The following FRMD6 variants were observed in gnomAD, a reference collection of about 807,000 sequenced individuals.
FRMD6 encodes the protein FERM domain containing 6.
In FRMD6, 37 loss-of-function variants were observed where a neutral mutation model predicts 73.2. The observed-to-expected ratio is 0.51, with a 90% CI of 0.39 to 0.66. The LOEUF (loss-of-function observed/expected upper bound fraction) is 0.66. FRMD6 is among the 30% of genes least tolerant of loss of function. The pLI, the probability that FRMD6 is intolerant of heterozygous loss-of-function variation, is 0.00. For missense variants in FRMD6, 714 were observed against 780.5 expected, an observed-to-expected ratio of 0.91 and a Z score of 1.02; for synonymous variants, 273 against 282.2, an observed-to-expected ratio of 0.97 and a Z score of 0.33.
the FRMD6 span, among the ~76,000 whole-genome samples, chr14:51,458,055 A>T: frequency 2.0e-5 from 3 of 152,220 alleles, no homozygotes; most frequent in African/African-American, 7.2e-5. Flanking sequence ...GGCCAGATAA[A>T]GGAGGTAAAA....
At chr14:51,525,140 GTGGATGGATGGATGGATGGA>G (rs71121650) in intron 1 of FRMD6, among the ~76,000 whole-genome samples, 23 of 148,638 alleles carry the variant, frequency 1.5e-4, no homozygotes, top group East Asian at 1.0e-3. Context: ...TGATAGGTGG[GTGGATGGATGGATGGATGGA>G]TGGATGGATG....
intron 9 of FRMD6, chr14:51,713,612 A>G (rs1897075465): frequency 6.6e-6 from 1 of 152,198 alleles, no homozygotes; most frequent in Non-Finnish European, 1.5e-5. Flanking sequence ...CTGCTGGGAT[A>G]TATAGCTCCA....
chr14:51,503,937 A>G (rs989043187), intron 1 of FRMD6, among the ~76,000 whole-genome samples: 5 of 151,850 alleles, frequency 3.3e-5, no homozygotes, highest in Non-Finnish European at 4.4e-5. Context: ...CAGGGATTCA[A>G]TTTCTTCCTG....
chr14:51,713,147 A>T (rs1298966583), intron 9 of FRMD6, among the ~76,000 whole-genome samples: 1 of 152,138 alleles, frequency 6.6e-6, no homozygotes, highest in Non-Finnish European at 1.5e-5. Context: ...AATAATGTGT[A>T]CATTTGGTCA....
intron 2 of FRMD6, among the ~76,000 whole-genome samples, chr14:51,691,836 C>G (rs1895604370): frequency 6.6e-6 from 1 of 151,912 alleles, no homozygotes; most frequent in Non-Finnish European, 1.5e-5. Context: ...CTCACGTGAT[C>G]TGTCTGCCTC....
At chr14:51,505,773 C>A (rs998358768) in intron 1 of FRMD6, among the ~76,000 whole-genome samples, 5 of 152,200 alleles carry the variant, frequency 3.3e-5, no homozygotes, top group Non-Finnish European at 5.9e-5. Context: ...CCCCCCTCGA[C>A]TCGATCACCC....
intron 2 of FRMD6, among the ~76,000 whole-genome samples, chr14:51,610,678 G>A (rs1182962484): frequency 6.6e-6 from 1 of 152,154 alleles, no homozygotes; most frequent in African/African-American, 2.4e-5. Context: ...AATATTCAGA[G>A]TATGTGGTAT....
At chr14:51,476,015 A>G in the FRMD6 span, among the ~76,000 whole-genome samples, 1 of 152,188 alleles carries the variant, frequency 6.6e-6, no homozygotes, top group African/African-American at 2.4e-5. Context: ...CGGCTATTTT[A>G]GGACCCTGGG....
In FRMD6 at chr14:51,689,845, A is replaced by G. The variant is rs768544582; in HGVS notation, c.9A>G (p.Lys3=). Residue 3 remains lysine, a synonymous_variant, in exon 2 of 14, where the codon AAA becomes AAG. Transcript: ENST00000344768. ...AGAGTGCCCAAAACACAATGAACAA[A>G]TTGAATTTTCATAACAACAGAGTCA... MN[K]LNFHNNRVMQ... The G allele has an allele frequency of 6.2e-7, 1 of 1,611,032 alleles. No individual in the cohort carries two copies. The highest frequency in any genetic ancestry group is 8.5e-7 in the Non-Finnish European group (1 of 1,178,090).
chr14:51,436,749 A>G, the FRMD6 span: 2 of 540,924 alleles, frequency 3.7e-6, no homozygotes, highest in Non-Finnish European at 3.4e-6. Flanking sequence ...TCCGATATGG[A>G]TGATGAAGAA....
chr14:51,609,409 G>A (rs1443934346), intron 2 of FRMD6, among the ~76,000 whole-genome samples: 2 of 152,202 alleles, frequency 1.3e-5, no homozygotes, highest in East Asian at 3.8e-4. Context: ...CTCTACCAAA[G>A]GGTGAACTCC....
intron 1 of FRMD6, among the ~76,000 whole-genome samples, chr14:51,665,702 A>G (rs1422450053): frequency 6.6e-6 from 1 of 152,332 alleles, no homozygotes; most frequent in African/African-American, 2.4e-5. Context: ...CCCAAATCTC[A>G]TCTTGAATTT....
At chr14:51,642,376 C>T (rs1393202969) in intron 2 of FRMD6, among the ~76,000 whole-genome samples, 1 of 152,048 alleles carries the variant, frequency 6.6e-6, no homozygotes, top group African/African-American at 2.4e-5. Context: ...CCTGTCTCTA[C>T]TAATAATAGA....
At chr14:51,450,331 T>C in the FRMD6 span, among the ~76,000 whole-genome samples, 1 of 152,200 alleles carries the variant, frequency 6.6e-6, no homozygotes, top group South Asian at 2.1e-4. Context: ...ATTTAGATAT[T>C]AGATAGAAAT....
the FRMD6 span, among the ~76,000 whole-genome samples, chr14:51,452,819 G>A: frequency 4.6e-5 from 7 of 152,150 alleles, no homozygotes; most frequent in African/African-American, 1.7e-4. Context: ...GAAGGCATAC[G>A]AGTAGAGTGT....
At chr14:51,575,549 G>A (rs1363892816) in intron 2 of FRMD6, 1 of 152,186 alleles carries the variant, frequency 6.6e-6, no homozygotes, top group Non-Finnish European at 1.5e-5. Flanking sequence ...ACTGTTTTCT[G>A]TTTTCGTGAG....
chr14:51,697,575 C>T (rs754575665), intron 2 of FRMD6, among the ~76,000 whole-genome samples: 4 of 151,962 alleles, frequency 2.6e-5, no homozygotes, highest in East Asian at 1.9e-4. Context: ...TATTGTACAA[C>T]GTGGTGACTG....
intron 1 of FRMD6, among the ~76,000 whole-genome samples, chr14:51,533,419 C>G (rs1956568): frequency 0.076 from 11,509 of 152,230 alleles, 600 homozygotes; most frequent in Admixed American, 0.17. Context: ...TCCTGAATGG[C>G]ATAAATTATT....
intron 2 of FRMD6, among the ~76,000 whole-genome samples, chr14:51,615,612 C>T (rs746312890): frequency 2.6e-5 from 4 of 152,018 alleles, no homozygotes; most frequent in African/African-American, 9.7e-5. Context: ...ACATTCACTT[C>T]GACAAGCATA....
Sources: allele counts gnomAD v4.1 joint callset (sites outside exome capture counted in the v4.1 genomes callset), GRCh38; gene constraint gnomAD v4.1.1; transcripts MANE v1.5; gene names NCBI Gene and HGNC (gene_info 2026-07-23, HGNC 2026-07-21).